Variants in PTPN4 observed in about 807,000 individuals in gnomAD.
PTPN4 encodes the protein tyrosine-protein phosphatase non-receptor type 4.
PTPN4 carries 49 observed loss-of-function variants against 135.5 expected under a neutral mutation model. The observed-to-expected ratio is 0.36, with a 90% CI of 0.29 to 0.46. The LOEUF (loss-of-function observed/expected upper bound fraction) is 0.46. Among genes scored for constraint, PTPN4 ranks in the 20% least tolerant of loss-of-function variants. The pLI is 1.00. For missense variants in PTPN4, 860 were observed against 1,101.0 expected, an observed-to-expected ratio of 0.78 and a Z score of 3.10; for synonymous variants, 333 against 369.9, an observed-to-expected ratio of 0.90 and a Z score of 1.14.
chr2:119,889,781 C>T (rs1401249318), intron 9 of PTPN4, among the ~76,000 whole-genome samples: 1 of 152,046 alleles, frequency 6.6e-6, no homozygotes, highest in Non-Finnish European at 1.5e-5. Flanking sequence ...CTTATCAGTG[C>T]CTTTGTTGTA....
At chr2:119,827,405 A>G (rs1677160855) in intron 2 of PTPN4, among the ~76,000 whole-genome samples, 1 of 152,224 alleles carries the variant, frequency 6.6e-6, no homozygotes, top group African/African-American at 2.4e-5. Context: ...CATCAGCATT[A>G]CATGAGAGTC....
At chr2:119,865,600 C>T (rs1677820609) in intron 3 of PTPN4, among the ~76,000 whole-genome samples, 1 of 151,904 alleles carries the variant, frequency 6.6e-6, no homozygotes. Flanking sequence ...AGTAAATGAA[C>T]ATATTAAGGA....
chr2:119,904,981 A>G (rs1371947459), intron 10 of PTPN4, among the ~76,000 whole-genome samples: 2 of 151,924 alleles, frequency 1.3e-5, no homozygotes, highest in East Asian at 3.9e-4. Flanking sequence ...GACAGAGCAG[A>G]TAAGATATAT....
At chr2:119,794,713 C>T (rs1353576047) in intron 1 of PTPN4, among the ~76,000 whole-genome samples, 1 of 152,122 alleles carries the variant, frequency 6.6e-6, no homozygotes, top group Non-Finnish European at 1.5e-5. Context: ...TTCTGTCCTT[C>T]TTGTCACCTG....
At chr2:119,932,333 C>T (rs1315088974) in intron 13 of PTPN4, 91 bp from the exon 14 acceptor site, 3 of 1,288,962 alleles carry the variant, frequency 2.3e-6, no homozygotes, top group Non-Finnish European at 3.2e-6. Context: ...TCATCTAGAA[C>T]ATAATCTCTG....
chr2:119,983,056 A>G lies in PTPN4; in HGVS notation c.*5986A>G, dbSNP rs937034986. The G allele has an allele frequency of 6.6e-6, 1 of 152,084 alleles. No homozygotes were observed. The highest frequency in any genetic ancestry group is 1.5e-5 in the Non-Finnish European group (1 of 68,026). 9.4% of individuals were successfully genotyped at this position (152,084 alleles called of 1,614,324 possible). ...CTTCATTATTTTTATTTCTCTTTCC[A>G]CGTCTCCAACTTTTTAAAAATCACT... On this transcript the variant is annotated 3_prime_UTR_variant, in exon 27 of 27. Transcript: ENST00000263708.
intron 3 of PTPN4, among the ~76,000 whole-genome samples, chr2:119,862,904 CA>C (rs1256674848): frequency 5.3e-5 from 8 of 152,046 alleles, no homozygotes; most frequent in Admixed American, 2.0e-4. Context: ...AAAGTAAATC[CA>C]ATTTATGCCT....
intron 13 of PTPN4, among the ~76,000 whole-genome samples, chr2:119,927,601 T>TA (rs1678844935): frequency 6.6e-6 from 1 of 151,996 alleles, no homozygotes; most frequent in Non-Finnish European, 1.5e-5. Flanking sequence ...GAATGGAAAA[T>TA]AGGGAACAAA....
rs547656204 is a variant in PTPN4, at chr2:119,903,693, C to G, written c.764+2887C>G. On this transcript the variant is annotated intron_variant, in intron 10 of 26. Transcript: ENST00000263708. ...CACCCTGCCTCTACCACTATTGTCC[C>G]CCACATGCATAGCTCAGGACCCCAA... Among the ~76,000 whole-genome samples, 29 of 152,222 alleles carry G rather than the reference C, an allele frequency of 1.9e-4. No homozygotes were observed. The South Asian group carries it at 2.1e-3, about 11-fold the overall frequency.
At position 119,763,629 on chromosome 2, in the gene PTPN4, A is replaced by G. The variant is rs560193749; in HGVS notation, c.-18+3245A>G. Among the ~76,000 whole-genome samples the G allele has an allele frequency of 7.0e-4, 107 of 152,332 alleles. No homozygotes were observed. In the South Asian group the frequency reaches 0.018, roughly 26 times the overall value. ...GTTCTGTCCAATTAAACTTTCTGCA[A>G]TGATGGAAATATTCTTTTTTCCTTC... On this transcript the variant is annotated intron_variant, in intron 1 of 26. Transcript: ENST00000263708.
chr2:119,803,337 G>A (rs1691407858), intron 1 of PTPN4, among the ~76,000 whole-genome samples: 1 of 152,076 alleles, frequency 6.6e-6, no homozygotes, highest in Non-Finnish European at 1.5e-5. Flanking sequence ...TGTCAGCACT[G>A]CTTAAATCAT....
At chr2:119,955,630 A>G (rs1679268774) in intron 20 of PTPN4, among the ~76,000 whole-genome samples, 1 of 152,146 alleles carries the variant, frequency 6.6e-6, no homozygotes, top group African/African-American at 2.4e-5. Flanking sequence ...AAGATAGGCT[A>G]TTATATACTT....
chr2:119,956,202 A>G (rs1276744451), intron 20 of PTPN4, among the ~76,000 whole-genome samples: 1 of 146,518 alleles, frequency 6.8e-6, no homozygotes, highest in Non-Finnish European at 1.5e-5. Context: ...TATTCAGACT[A>G]TATCAACCTA....
intron 1 of PTPN4, among the ~76,000 whole-genome samples, chr2:119,770,293 G>A (rs1327521933): frequency 6.6e-6 from 1 of 152,130 alleles, no homozygotes; most frequent in East Asian, 1.9e-4. Context: ...GTACAGATAA[G>A]TCAATGTTTA....
At chr2:119,770,404 G>T (rs949258333) in intron 1 of PTPN4, among the ~76,000 whole-genome samples, 3 of 152,092 alleles carry the variant, frequency 2.0e-5, no homozygotes, top group African/African-American at 7.2e-5. Flanking sequence ...TGGCTACATG[G>T]TTCAAGTTTC....
intron 3 of PTPN4, among the ~76,000 whole-genome samples, chr2:119,865,725 A>G (rs1164786640): frequency 1.3e-5 from 2 of 152,098 alleles, no homozygotes; most frequent in African/African-American, 4.8e-5. Flanking sequence ...CTTAAAACTT[A>G]TGTATGTTAC....
intron 10 of PTPN4, among the ~76,000 whole-genome samples, chr2:119,912,469 T>C (rs1021782769): frequency 1.3e-5 from 2 of 152,244 alleles, no homozygotes. Context: ...AAAGGGAAAA[T>C]GAAAAGATGC....
intron 2 of PTPN4, among the ~76,000 whole-genome samples, chr2:119,810,411 A>G (rs2104948699): frequency 6.6e-6 from 1 of 152,358 alleles, no homozygotes; most frequent in South Asian, 2.1e-4. Context: ...ATATTTATTT[A>G]ACAAATATTT....
chr2:119,864,366 A>C (rs1054111338), intron 3 of PTPN4, among the ~76,000 whole-genome samples: 21 of 152,086 alleles, frequency 1.4e-4, no homozygotes, highest in Non-Finnish European at 2.9e-4. Flanking sequence ...CCTCAGATAT[A>C]AGGTTTTTTT....
Sources: allele counts gnomAD v4.1 joint callset (sites outside exome capture counted in the v4.1 genomes callset), GRCh38; gene constraint gnomAD v4.1.1; transcripts MANE v1.5; gene names NCBI Gene and HGNC (gene_info 2026-07-23, HGNC 2026-07-21).